GPR179: variants seen among roughly 807,000 people sequenced by gnomAD.
The protein encoded by GPR179 is probable G protein-coupled receptor 179.
In GPR179, 52 loss-of-function variants were observed where a neutral mutation model predicts 70.8. That is an observed-to-expected ratio of 0.73 (90% CI 0.59 to 0.93). The LOEUF (loss-of-function observed/expected upper bound fraction) is 0.93, where lower values mean the gene tolerates loss of function less well. Ranked by LOEUF, GPR179 falls within the 40% of genes least tolerant of loss-of-function variation. GPR179 has a pLI of 0.00. For synonymous variants in GPR179, 1,123 were observed against 1,169.0 expected (o/e 0.96, Z 0.80); for missense variants, 2,734 against 2,966.8 (o/e 0.92, Z 1.82).
chr17:38,330,916 T>C lies in GPR179; in HGVS notation c.2653A>G (p.Arg885Gly). Residue 885 changes from arginine to glycine, a missense_variant, in exon 11 of 11, where the codon AGG (arginine) becomes GGG (glycine). Arg to Gly is a moderately radical substitution (Grantham distance 125). Coordinates refer to ENST00000616987, the MANE Select transcript of GPR179 (RefSeq NM_001004334.4). ...CGCTCCAGCCTCCTGGCTGATGGCC[T>C]CCGCACCAGGCTGGCCATGGCTGCC... The part of the protein sequence containing the change: ...AKAAMASLVR[R>G]PSARRLERPR... The C allele has an allele frequency of 1.2e-6, 2 of 1,607,322 alleles. No individual in the cohort carries two copies. The highest frequency in any genetic ancestry group is 1.1e-5 in the South Asian group (1 of 89,836).
In GPR179 at chr17:38,326,808, G is replaced by A. The variant is rs150811301; in HGVS notation, c.6761C>T (p.Ser2254Phe). ...GEETGVPSEE[S>F]GLLALTATRR... Reference sequence around the variant, plus strand: ...AGTTGCTGTTAAAGCCAGGAGGCCAGATTCCTCAGATGGGACTCCAGTTTC... The same window carrying A: ...AGTTGCTGTTAAAGCCAGGAGGCCAAATTCCTCAGATGGGACTCCAGTTTC... Residue 2254 changes from serine to phenylalanine, a missense_variant, in exon 11 of 11, where the codon TCT becomes TTT. Coordinates refer to ENST00000616987, the MANE Select transcript of GPR179 (RefSeq NM_001004334.4). 72 of 1,614,220 alleles carry A rather than the reference G, an allele frequency of 4.5e-5. No homozygotes were observed. The African/African-American group carries it at 8.4e-4, about 19-fold the overall frequency.
rs769488675 is a variant in GPR179 at position 38,339,507 on chromosome 17, G to A, written c.813C>T (p.Asp271=). 56 of 1,613,728 alleles carry A rather than the reference G, an allele frequency of 3.5e-5. No individual in the cohort carries two copies. In the East Asian group the frequency reaches 7.8e-4, roughly 22 times the overall value. ...SPEVRGQVQM[D]VDLQSVDINQ... is the part of the protein sequence containing the mutation. ...TGATGTCCACACTCTGGAGATCTAC[G>A]TCCATCTGCACCTGCCCCCTACGGC... is the stretch of plus-strand genomic sequence containing the variant. Residue 271 remains aspartate, a synonymous_variant, in exon 2 of 11, where the codon GAC becomes GAT. Transcript: ENST00000616987.
At chr17:38,332,610 C>CT (rs1245672845) in intron 10 of GPR179, among the ~76,000 whole-genome samples, 2 of 152,116 alleles carry the variant, frequency 1.3e-5, no homozygotes, top group African/African-American at 2.4e-5. Context: ...GGGGCTGAGG[C>CT]TTTTTTGTGT....
chr17:38,340,324 T>C (rs2144277843), intron 1 of GPR179, among the ~76,000 whole-genome samples: 1 of 152,314 alleles, frequency 6.6e-6, no homozygotes, highest in Middle Eastern at 3.4e-3. Flanking sequence ...TTATTTTTAG[T>C]GGAGACAAGT....
rs763338524 is a variant in GPR179, at chr17:38,334,011, C to T, written c.1812G>A (p.Pro604=). 62 of 1,613,750 alleles carry T rather than the reference C, an allele frequency of 3.8e-5. No individual in the cohort carries two copies. The highest frequency in any genetic ancestry group is 2.2e-4 in the East Asian group (10 of 44,876). The part of the protein sequence containing the change: ...ARFVLVPSLH[P]DWTLLLFFFH... Reference sequence around the variant, plus strand: ...AGAAGAAGAGGAGGAGGGTCCAGTCCGGGTGCAGAGAGGGAACCAGCACAA... The same window carrying T: ...AGAAGAAGAGGAGGAGGGTCCAGTCTGGGTGCAGAGAGGGAACCAGCACAA... Residue 604 remains proline (P), a synonymous_variant, in exon 9 of 11, where the codon CCG becomes CCA. Transcript: ENST00000616987. The surrounding 1 kb of genome is among the most constrained non-coding windows in gnomAD (Gnocchi z 4.7).
At position 38,330,248 on chromosome 17, in the gene GPR179, C is replaced by A; in HGVS notation, c.3321G>T (p.Val1107=). The change falls in exon 11 of 11, where the codon GTG becomes GTT. Residue 1107 remains valine (V), a synonymous_variant. Coordinates refer to ENST00000616987, the MANE Select transcript of GPR179 (RefSeq NM_001004334.4). Reference sequence around the variant, plus strand: ...TGTTCTGCCCCTCGGGACTCTCCTCCACACTCTCCTTCTCTCTGTAGGTGC... The same window carrying A: ...TGTTCTGCCCCTCGGGACTCTCCTCAACACTCTCCTTCTCTCTGTAGGTGC... ...SRSTYREKES[V]EESPEGQNSG... The A allele has an allele frequency of 6.3e-7, 1 of 1,589,512 alleles. No homozygotes were observed.
chr17:38,334,760 GT>G lies in GPR179; in HGVS notation c.1727del (p.Tyr576SerfsTer50), dbSNP rs1567725425. On this transcript the variant is annotated frameshift_variant, in exon 8 of 11. Transcript: ENST00000616987. LOFTEE classifies it high-confidence loss of function. This position sits in a 1 kb window ranked among gnomAD's most constrained non-coding sequence, Gnocchi z 4.7. ...AVLSAFHEPR[Y>X]MGIALHNELL... ...GCTCATTGTGCAGGGCGATGCCCAT[GT>G]AGCGTGGCTCATGGAAGGCCGAGAG... The G allele has an allele frequency of 6.2e-7, 1 of 1,613,842 alleles. No individual in the cohort carries two copies. Among genetic ancestry groups the G allele is most frequent in the Non-Finnish European group, 8.5e-7 (1 of 1,179,994 alleles).
chr17:38,330,410 A>G lies in GPR179; in HGVS notation c.3159T>C (p.His1053=). The part of the protein sequence containing the change: ...GENEMDAEDA[H]HQREANDVDE... The stretch of plus-strand genomic sequence containing the variant: ...CCACATCATTAGCTTCCCTCTGGTG[A>G]TGTGCATCCTCTGCGTCCATCTCAT... The change falls in exon 11 of 11, where the codon CAT becomes CAC. Residue 1053 remains histidine (H), a synonymous_variant. Transcript: ENST00000616987. 6.2e-7 allele frequency: 1 copy of G among 1,606,938 alleles called. No individual in the cohort carries two copies. Among genetic ancestry groups the G allele is most frequent in the African/African-American group, 1.3e-5 (1 of 74,768 alleles).
Position 38,334,810 on chromosome 17 carries a change from G to A in GPR179, c.1678C>T (p.Leu560Phe). ...ELLLLCWGSF[L>F]CYATRAVLSA... ...AGCACAGCCCGTGTGGCGTAGCAGA[G>A]GAAGCTGCCCCAGCACAGCAGCAGC... The change falls in exon 8 of 11, where the codon CTC becomes TTC. Residue 560 changes from leucine to phenylalanine, a missense_variant. Transcript: ENST00000616987. The surrounding 1 kb of genome is among the most constrained non-coding windows in gnomAD (Gnocchi z 4.7). 1.2e-6 allele frequency: 2 copies of A among 1,613,080 alleles called. No homozygotes were observed. The highest frequency in any genetic ancestry group is 1.7e-6 in the Non-Finnish European group (2 of 1,179,956).
Position 38,328,667 on chromosome 17 carries a change from A to T in GPR179, c.4902T>A (p.Ala1634=), listed in dbSNP as rs750067861. The change falls in exon 11 of 11, where the codon GCT becomes GCA. Residue 1634 remains alanine, a synonymous_variant. Transcript: ENST00000616987. ...PGKSEIEDVT[A]WEKPEGQIQK... ...GGATCTGCCCCTCAGGCTTTTCCCAAGCTGTGACATCTTCGATTTCCGATT... is the reference window on the plus strand; with the variant it reads ...GGATCTGCCCCTCAGGCTTTTCCCATGCTGTGACATCTTCGATTTCCGATT... 3.7e-6 allele frequency: 6 copies of T among 1,614,000 alleles called. No homozygotes were observed. Among genetic ancestry groups the T allele is most frequent in the Middle Eastern group, 1.6e-4 (1 of 6,062 alleles).
At position 38,330,808 on chromosome 17, in the gene GPR179, G is replaced by A. The variant is rs2037349238; in HGVS notation, c.2761C>T (p.His921Tyr). The change falls in exon 11 of 11, where the codon CAT becomes TAT. Residue 921 changes from histidine to tyrosine, a missense_variant. His to Tyr is a moderately conservative substitution (Grantham distance 83). Coordinates refer to ENST00000616987, the MANE Select transcript of GPR179 (RefSeq NM_001004334.4). ...VDSSHTSGRL[H>Y]EEARRRLPHP... ...GGCAGCCTTCTCCTAGCCTCCTCAT[G>A]AAGCCTCCCAGAGGTGTGAGAGCTG... 1 of 1,604,888 alleles carries A rather than the reference G, an allele frequency of 6.2e-7. No homozygotes were observed. The highest frequency in any genetic ancestry group is 1.3e-5 in the African/African-American group (1 of 74,792).
In GPR179 at chr17:38,333,182, G is replaced by A. The variant is rs931155640; in HGVS notation, c.2037+69C>T. The A allele has an allele frequency of 4.8e-6, 7 of 1,452,458 alleles. No homozygotes were observed. In the Admixed American group the frequency reaches 5.3e-5, roughly 11 times the overall value. 90.0% of individuals were successfully genotyped at this position (1,452,458 alleles called of 1,614,324 possible). On this transcript the variant is annotated intron_variant, in intron 10 of 10. Coordinates refer to ENST00000616987, the MANE Select transcript of GPR179 (RefSeq NM_001004334.4). ...CAGTGGCACATAGCCCAGGTGGCAG[G>A]GCCCAGTCCTCCCTCTGCCCAGTTC... is the stretch of plus-strand genomic sequence containing the variant.
rs371877248 is a variant in GPR179 at position 38,328,386 on chromosome 17, G to A, written c.5183C>T (p.Pro1728Leu). 1 of 1,612,938 alleles carries A rather than the reference G, an allele frequency of 6.2e-7. No individual in the cohort carries two copies. Among genetic ancestry groups the A allele is most frequent in the Non-Finnish European group, 8.5e-7 (1 of 1,179,774 alleles). Residue 1728 changes from proline to leucine, a missense_variant, in exon 11 of 11, where the codon CCA becomes CTA. By Grantham distance (98) the Pro-to-Leu change is moderately conservative (BLOSUM62 -3). Transcript: ENST00000616987. ...ALGAEAIRKS[P>L]NDTGKVSADL... ...TGCAGAAACCTTGCCTGTATCATTT[G>A]GAGATTTCCTAATGGCCTCAGCTCC...
Position 38,326,377 on chromosome 17 carries a change from T to TGG in GPR179, c.*87_*88insCC, listed in dbSNP as rs768555103. On this transcript the variant is annotated 3_prime_UTR_variant, in exon 11 of 11. Coordinates refer to ENST00000616987, the MANE Select transcript of GPR179 (RefSeq NM_001004334.4). ...GGAGGGGAAGTGGCCAAGCTGTCTT[T>TGG]GATTCAGCTCTTTGGGAACACCTGG... The TGG allele has an allele frequency of 7.7e-6, 8 of 1,033,656 alleles. No homozygotes were observed. Among genetic ancestry groups the TGG allele is most frequent in the Non-Finnish European group, 1.1e-5 (8 of 702,068 alleles). 64.0% of individuals were successfully genotyped at this position (1,033,656 alleles called of 1,614,324 possible).
At chr17:38,342,950 C>T in intron 1 of GPR179, 46 bp downstream of exon 1, 1 of 1,532,182 alleles carries the variant, frequency 6.5e-7, no homozygotes, top group Non-Finnish European at 8.8e-7. Context: ...TACTTCCTTC[C>T]CCTACATCCC....
At position 38,330,000 on chromosome 17, in the gene GPR179, C is replaced by T. The variant is rs80172972; in HGVS notation, c.3569G>A (p.Arg1190Gln). Residue 1190 changes from arginine to glutamine, a missense_variant, in exon 11 of 11, where the codon CGG becomes CAG. Arg to Gln is a conservative substitution (Grantham distance 43). Transcript: ENST00000616987. The part of the protein sequence containing the change: ...GRRMTQGLGE[R>Q]KAERAGKTGL... ...TGTTTTACCTGCTCTCTCAGCTTTC[C>T]GTTCCCCTAGACCCTGGGTCATCCT... 3,123 of 1,614,250 alleles carry T rather than the reference C, an allele frequency of 1.9e-3. 48 individuals are homozygous for T. The African/African-American group carries it at 0.037, about 19-fold the overall frequency.
chr17:38,339,861 G>A (rs72832284), intron 1 of GPR179, among the ~76,000 whole-genome samples: 19,821 of 152,152 alleles, frequency 0.13, 1,408 homozygotes, highest in African/African-American at 0.19. Flanking sequence ...CTGCCTTTCT[G>A]TGTAGGAGCT....
intron 1 of GPR179, among the ~76,000 whole-genome samples, chr17:38,340,720 C>G (rs182370370): frequency 6.6e-6 from 1 of 152,060 alleles, no homozygotes; most frequent in Non-Finnish European, 1.5e-5. Context: ...GAGTTCGAGA[C>G]CAGCCTGGCC....
rs1301551799 is a variant in GPR179 at position 38,337,152 on chromosome 17, C to T, written c.1053G>A (p.Gly351=). Residue 351 remains glycine, a synonymous_variant, in exon 4 of 11, where the codon GGG becomes GGA. Coordinates refer to ENST00000616987, the MANE Select transcript of GPR179 (RefSeq NM_001004334.4). ...GACATGGCAGACACTGCAGCAGTCT[C>T]CCAGATCTGCCTTCTGGGAACCCGA... is the stretch of plus-strand genomic sequence containing the variant. ...GQFGFPEGRS[G]RLLQCLPCPE... is the part of the protein sequence containing the mutation. 2.5e-6 allele frequency: 4 copies of T among 1,612,910 alleles called. No homozygotes were observed. Among genetic ancestry groups the T allele is most frequent in the Non-Finnish European group, 3.4e-6 (4 of 1,179,632 alleles).
Sources: allele counts gnomAD v4.1 joint callset (sites outside exome capture counted in the v4.1 genomes callset), GRCh38; gene constraint gnomAD v4.1.1; non-coding constraint Gnocchi (gnomAD v3.1); transcripts MANE v1.5; gene names NCBI Gene and HGNC (gene_info 2026-07-23, HGNC 2026-07-21).